The following CHCHD3 variants were observed in gnomAD, a reference collection of about 807,000 sequenced individuals.
CHCHD3 encodes the protein MICOS complex subunit MIC19.
Under a neutral mutation model 38.2 loss-of-function variants are expected in CHCHD3, and 20 were observed. The ratio of observed to expected loss-of-function variants is 0.52; its 90% CI spans 0.37 to 0.76. The LOEUF is 0.76. Among genes scored for constraint, CHCHD3 ranks in the 30% least tolerant of loss-of-function variants. The probability of loss-of-function intolerance (pLI) is 0.00; values close to 1 mark genes in which losing one functional copy is unlikely to be tolerated. For missense variants in CHCHD3, 245 were observed against 279.2 expected (o/e 0.88, Z 0.87); for synonymous variants, 82 against 100.0 (o/e 0.82, Z 1.07).
intron 5 of CHCHD3, among the ~76,000 whole-genome samples, chr7:132,855,123 A>T (rs1433666505): frequency 1.3e-5 from 2 of 152,194 alleles, no homozygotes; most frequent in Non-Finnish European, 2.9e-5. Context: ...AAGTGCCAGA[A>T]ATAAATCAGT....
chr7:133,044,524 C>G (rs1050351212), intron 2 of CHCHD3, among the ~76,000 whole-genome samples: 1 of 152,026 alleles, frequency 6.6e-6, no homozygotes, highest in Non-Finnish European at 1.5e-5. Flanking sequence ...ACAAGAAGTA[C>G]TAAAGGAAAA....
At chr7:132,812,759 C>T (rs1388306886) in intron 6 of CHCHD3, among the ~76,000 whole-genome samples, 2 of 152,162 alleles carry the variant, frequency 1.3e-5, no homozygotes, top group South Asian at 2.1e-4. Flanking sequence ...TCTTGGGATA[C>T]ATCCAAAATA....
At chr7:132,810,187 G>A (rs555301443) in intron 6 of CHCHD3, among the ~76,000 whole-genome samples, 102 of 152,244 alleles carry the variant, frequency 6.7e-4, no homozygotes, top group African/African-American at 2.2e-3. Context: ...ATGCATCCAA[G>A]TAGTTGCTAA....
chr7:133,067,571 G>C (rs1191421496), intron 2 of CHCHD3, among the ~76,000 whole-genome samples: 3 of 152,214 alleles, frequency 2.0e-5, no homozygotes, highest in African/African-American at 7.2e-5. Context: ...AGCTAGATGT[G>C]CTCACTGTAT....
chr7:133,022,046 C>T (rs1312687186), intron 3 of CHCHD3, among the ~76,000 whole-genome samples: 1 of 151,838 alleles, frequency 6.6e-6, no homozygotes, highest in East Asian at 1.9e-4. Flanking sequence ...GAGATCACAC[C>T]ACTGTACTCC....
chr7:132,972,923 A>C, intron 4 of CHCHD3: 1 of 985,464 alleles, frequency 1.0e-6, no homozygotes, highest in Non-Finnish European at 1.2e-6. Flanking sequence ...AAGACAGACA[A>C]TAGACAAGAT....
chr7:132,849,072 T>C (rs1808152398), intron 5 of CHCHD3: 1 of 152,198 alleles, frequency 6.6e-6, no homozygotes, highest in Admixed American at 6.5e-5. Flanking sequence ...TTTTAACATC[T>C]AAAATGAGGA....
chr7:132,864,336 A>AT (rs1259430887), intron 5 of CHCHD3, among the ~76,000 whole-genome samples: 25 of 152,194 alleles, frequency 1.6e-4, no homozygotes, highest in Admixed American at 9.2e-4. Context: ...GAGGAGTCAG[A>AT]ACACACACGT....
At chr7:132,889,131 T>C (rs1403693693) in intron 4 of CHCHD3, among the ~76,000 whole-genome samples, 5 of 152,058 alleles carry the variant, frequency 3.3e-5, no homozygotes, top group African/African-American at 1.2e-4. Context: ...AGTGAACCTA[T>C]TAAATAATTA....
At chr7:133,074,505 C>T (rs927267758) in intron 1 of CHCHD3, among the ~76,000 whole-genome samples, 1 of 152,074 alleles carries the variant, frequency 6.6e-6, no homozygotes, top group Non-Finnish European at 1.5e-5. Flanking sequence ...AGAAAAATCC[C>T]CGTAAGACTG....
At chr7:132,921,981 G>C (rs970690429) in intron 4 of CHCHD3, among the ~76,000 whole-genome samples, 24 of 152,320 alleles carry the variant, frequency 1.6e-4, no homozygotes, top group African/African-American at 5.5e-4. Context: ...TTCACGGCTA[G>C]AAACAGTCCA....
chr7:133,079,453 C>A (rs533222500), intron 1 of CHCHD3, among the ~76,000 whole-genome samples: 1 of 152,222 alleles, frequency 6.6e-6, no homozygotes, highest in African/African-American at 2.4e-5. Context: ...CTACACAGCA[C>A]AGCACTTTCA....
chr7:132,910,566 C>T (rs188771587), intron 4 of CHCHD3, among the ~76,000 whole-genome samples: 4 of 152,244 alleles, frequency 2.6e-5, no homozygotes, highest in African/African-American at 7.2e-5. Flanking sequence ...ATATTGAACA[C>T]TTCTATGTGT....
At chr7:132,955,173 G>GGGGT (rs138213006) in intron 4 of CHCHD3, among the ~76,000 whole-genome samples, 115 of 126,278 alleles carry the variant, frequency 9.1e-4, no homozygotes, top group Non-Finnish European at 1.2e-3. Context: ...TCCCTCAGAG[G>GGGGT]GTGTGTGTGT....
chr7:132,984,053 G>GTCTCCCTCTCCCCACGGTCTCCCTCTCCC (rs1812000416), intron 3 of CHCHD3, among the ~76,000 whole-genome samples: 1 of 140,626 alleles, frequency 7.1e-6, no homozygotes, highest in Non-Finnish European at 1.6e-5. Context: ...TCTCCCCATG[G>GTCTCCCTCTCCCCACGGTCTCCCTCTCCC]TCTCCCTCTC....
rs1806498744 is a variant in CHCHD3, at chr7:132,792,840, T to C, written c.660+3602A>G. On this transcript the variant is annotated intron_variant, in intron 7 of 7. Coordinates refer to ENST00000262570, the MANE Select transcript of CHCHD3 (RefSeq NM_017812.4). ...CCACCCTCCCAGTGAACACAAAATG[T>C]GCCAGAAGGGTCCAGCCAGCTTCTG... Among the ~76,000 whole-genome samples, 7 of 152,272 alleles carry C rather than the reference T, an allele frequency of 4.6e-5. No individual in the cohort carries two copies. In the South Asian group the frequency reaches 1.4e-3, roughly 32 times the overall value.
At chr7:132,839,206 A>T (rs1203941326) in intron 5 of CHCHD3, among the ~76,000 whole-genome samples, 1 of 151,994 alleles carries the variant, frequency 6.6e-6, no homozygotes, top group Non-Finnish European at 1.5e-5. Flanking sequence ...AAAAAAAAAA[A>T]GTTTTCTTTA....
chr7:133,019,360 C>G (rs1348120856), intron 3 of CHCHD3, among the ~76,000 whole-genome samples: 3 of 151,934 alleles, frequency 2.0e-5, no homozygotes, highest in Non-Finnish European at 4.4e-5. Flanking sequence ...ATATAATGAA[C>G]TTAAACAGAT....
intron 3 of CHCHD3, among the ~76,000 whole-genome samples, chr7:132,984,751 C>T (rs1422044234): frequency 4.7e-5 from 7 of 149,282 alleles, no homozygotes; most frequent in Non-Finnish European, 8.9e-5. Flanking sequence ...GCCTGGCAAC[C>T]GGCCCGTCTG....
Sources: allele counts gnomAD v4.1 joint callset (sites outside exome capture counted in the v4.1 genomes callset), GRCh38; gene constraint gnomAD v4.1.1; transcripts MANE v1.5; gene names NCBI Gene and HGNC (gene_info 2026-07-23, HGNC 2026-07-21).